The following MTRF1L variants were observed in gnomAD, a reference collection of about 807,000 sequenced individuals.
MTRF1L encodes the protein peptide chain release factor 1-like, mitochondrial.
A neutral mutation model predicts 40.0 loss-of-function variants in MTRF1L; 29 were observed. The observed-to-expected ratio is 0.73, with a 90% CI of 0.54 to 0.99. The LOEUF (loss-of-function observed/expected upper bound fraction) is 0.99, where lower values mean the gene tolerates loss of function less well. Among genes scored for constraint, MTRF1L ranks in the 50% least tolerant of loss-of-function variants. MTRF1L has a pLI of 0.00. For missense variants in MTRF1L, 412 were observed against 464.5 expected (o/e 0.89, Z 1.04); for synonymous variants, 150 against 175.8 (o/e 0.85, Z 1.16).
intron 2 of MTRF1L, chr6:152,998,323 T>A: frequency 3.4e-6 from 1 of 294,804 alleles, no homozygotes; most frequent in South Asian, 1.0e-4. Flanking sequence ...TTATTGATAG[T>A]CATAATCATT....
At chr6:153,002,387 G>A (rs763574326) in intron 1 of MTRF1L, 40 bp downstream of exon 1, 1 of 1,613,828 alleles carries the variant, frequency 6.2e-7, no homozygotes, top group Non-Finnish European at 8.5e-7. Context: ...GAAGAGTCAA[G>A]AATGTGCTCT....
At chr6:152,993,815 C>A (rs548915421) in intron 4 of MTRF1L, among the ~76,000 whole-genome samples, 1 of 152,304 alleles carries the variant, frequency 6.6e-6, no homozygotes, top group African/African-American at 2.4e-5. Flanking sequence ...ATGCTTCACA[C>A]AAAAATTAGA....
rs372203832 is a variant in MTRF1L at position 153,000,967 on chromosome 6, G to A, written c.259+1460C>T. Among the ~76,000 whole-genome samples, 11 of 149,214 alleles carry A rather than the reference G, an allele frequency of 7.4e-5. No homozygotes were observed. The East Asian group carries it at 2.0e-3, about 27-fold the overall frequency. On this transcript the variant is annotated intron_variant, in intron 1 of 6. Coordinates refer to ENST00000367233, the MANE Select transcript of MTRF1L (RefSeq NM_019041.7). ...TGGCTCACTGCAACCTCCACCTCCC[G>A]GGTTCAAGCGATTCTCCCACCTCAG...
intron 2 of MTRF1L, 82 bp downstream of exon 2, chr6:152,998,468 G>A (rs1264398592): frequency 7.9e-6 from 8 of 1,009,684 alleles, no homozygotes; most frequent in African/African-American, 1.7e-5. Context: ...TAACAAGCTA[G>A]TCACTTGTTT....
chr6:152,992,985 G>GA lies in MTRF1L; in HGVS notation c.688-12dup, dbSNP rs1465859538. ...AATCACCAGATTAATCTATACAGAA[G>GA]AAAAGTTGGGATTTTAAAAGATTAC... On this transcript the variant is annotated splice_polypyrimidine_tract_variant and intron_variant, in intron 4 of 6. Transcript: ENST00000367233. The GA allele has an allele frequency of 1.0e-5, 16 of 1,604,780 alleles. No individual in the cohort carries two copies. Among genetic ancestry groups the GA allele is most frequent in the Non-Finnish European group, 1.4e-5 (16 of 1,172,718 alleles).
At chr6:153,000,650 C>T (rs1778881172) in intron 1 of MTRF1L, among the ~76,000 whole-genome samples, 1 of 152,070 alleles carries the variant, frequency 6.6e-6, no homozygotes, top group African/African-American at 2.4e-5. Context: ...CTTATTGTCA[C>T]CCCTCTTTTC....
chr6:153,001,789 T>A (rs1367425256), intron 1 of MTRF1L, among the ~76,000 whole-genome samples: 1 of 152,250 alleles, frequency 6.6e-6, no homozygotes, highest in Admixed American at 6.5e-5. Context: ...GCCACCAGCG[T>A]TTCTGGAGAA....
At chr6:152,995,048 C>T in intron 3 of MTRF1L, 88 bp downstream of exon 3, 1 of 1,194,508 alleles carries the variant, frequency 8.4e-7, no homozygotes, top group Middle Eastern at 2.0e-4. Flanking sequence ...CATAAGCATC[C>T]TCACAGATAA....
rs1319203112 is a variant in MTRF1L at position 153,002,558 on chromosome 6, A to C, written c.128T>G (p.Leu43Trp). ...LEELFTRGGP[L>W]RTFLERQAGS... ...CGCCTGGCGCTCGAGGAAGGTCCGC[A>C]AGGGCCCGCCCCGGGTGAACAGCTC... The change falls in exon 1 of 7, where the codon TTG (leucine) becomes TGG (tryptophan). Residue 43 changes from leucine (L) to tryptophan (W), a missense_variant. Physicochemically the swap from Leu to Trp is moderately conservative, Grantham distance 61. Transcript: ENST00000367233. The C allele has an allele frequency of 6.9e-6, 11 of 1,584,912 alleles. No individual in the cohort carries two copies. The highest frequency in any genetic ancestry group is 2.7e-5 in the African/African-American group (2 of 73,932).
rs769203506 is a variant in MTRF1L, at chr6:152,989,896, TA to T, written c.1141del (p.Ter381LysfsTer7). 1 of 1,609,408 alleles carries T rather than the reference TA, an allele frequency of 6.2e-7. No individual in the cohort carries two copies. The highest frequency in any genetic ancestry group is 8.5e-7 in the Non-Finnish European group (1 of 1,178,742). On this transcript the variant is annotated frameshift_variant and stop_lost, in exon 7 of 7. Coordinates refer to ENST00000367233, the MANE Select transcript of MTRF1L (RefSeq NM_019041.7). LOFTEE classifies it high-confidence loss of function. ...SLVEIISQKV[*>X] ...AAAGTCTATAAATAACAAATCAACT[TA>T]AACTTTTTGGGAAATAATTTCTACT...
chr6:152,996,116 G>A (rs1778706063), intron 2 of MTRF1L, among the ~76,000 whole-genome samples: 1 of 152,164 alleles, frequency 6.6e-6, no homozygotes, highest in South Asian at 2.1e-4. Flanking sequence ...TCTTGGGTAA[G>A]TATTATTAAC....
Position 152,989,643 on chromosome 6 carries a change from T to C in MTRF1L, c.*252A>G. The C allele has an allele frequency of 9.4e-6, 4 of 426,240 alleles. No homozygotes were observed. The highest frequency in any genetic ancestry group is 1.7e-5 in the Non-Finnish European group (4 of 241,146). The allele number at this position is 426,240 out of a possible 1,614,324, so 26.4% of individuals were successfully genotyped here. On this transcript the variant is annotated 3_prime_UTR_variant, in exon 7 of 7. Transcript: ENST00000367233. ...GGAGACTGCTGTGTTGCTAACGTTA[T>C]ATGCATTTTTAACTTATGATGGGTT...
Position 152,989,933 on chromosome 6 carries a change from A to G in MTRF1L, c.1105T>C (p.Tyr369His). Residue 369 changes from tyrosine (Y) to histidine (H), a missense_variant, in exon 7 of 7, where the codon TAT (tyrosine) becomes CAT (histidine). By Grantham distance (83) the Tyr-to-His change is moderately conservative (BLOSUM62 2). Coordinates refer to ENST00000367233, the MANE Select transcript of MTRF1L (RefSeq NM_019041.7). Reference sequence around the variant, plus strand: ...GAAATAATTTCTACTAAAGATTCATAATCGGCGTATTCCTTCAATGACTGT... The same window carrying G: ...GAAATAATTTCTACTAAAGATTCATGATCGGCGTATTCCTTCAATGACTGT... ...LVQSLKEYADYESLVEIISQK... is the reference protein window; with the variant it reads ...LVQSLKEYADHESLVEIISQK... 1.2e-6 allele frequency: 2 copies of G among 1,613,442 alleles called. No individual in the cohort carries two copies. Among genetic ancestry groups the G allele is most frequent in the Non-Finnish European group, 1.7e-6 (2 of 1,179,790 alleles).
At chr6:152,994,999 G>T in intron 3 of MTRF1L, 137 bp downstream of exon 3, 1 of 824,988 alleles carries the variant, frequency 1.2e-6, no homozygotes, top group Non-Finnish European at 1.9e-6. Flanking sequence ...TACTGTATGT[G>T]CATTCAAATT....
intron 5 of MTRF1L, 122 bp downstream of exon 5, chr6:152,992,735 A>T: frequency 1.4e-6 from 1 of 714,544 alleles, no homozygotes; most frequent in Non-Finnish European, 2.3e-6. Flanking sequence ...TCAAATATTT[A>T]ATAACAATCC....
chr6:153,002,361 A>G (rs1014229879), intron 1 of MTRF1L, 66 bp downstream of exon 1: 2 of 1,611,078 alleles, frequency 1.2e-6, no homozygotes, highest in African/African-American at 2.7e-5. Context: ...TAGTGTGGGC[A>G]GTGGAAAAGT....
rs1373373612 is a variant in MTRF1L, at chr6:152,991,233, C to T, written c.894G>A (p.Met298Ile). 5 of 1,586,192 alleles carry T rather than the reference C, an allele frequency of 3.2e-6. No homozygotes were observed. In the East Asian group the frequency reaches 9.0e-5, roughly 29 times the overall value. The change falls in exon 6 of 7, where the codon ATG becomes ATA. Residue 298 changes from methionine to isoleucine, a missense_variant. Physicochemically the swap from Met to Ile is conservative, Grantham distance 10 (BLOSUM62 1). Transcript: ENST00000367233. ...TTTTATTTATTTCTTCTTCTAGATG[C>T]ATGCTGTACAGTTTTGCACGTAACT... The part of the protein sequence containing the change: ...MTKLRAKLYS[M>I]HLEEEINKRQ...
rs774770409 is a variant in MTRF1L at position 153,002,506 on chromosome 6, C to G, written c.180G>C (p.Arg60Ser). 44 of 1,613,000 alleles carry G rather than the reference C, an allele frequency of 2.7e-5. No individual in the cohort carries two copies. Among genetic ancestry groups the G allele is most frequent in the Non-Finnish European group, 3.6e-5 (43 of 1,179,756 alleles). ...QAGSEAHLKV[R>S]RPELLAVIKL... ...TGATCACCGCCAGCAACTCGGGCCT[C>G]CTGACCTTCAAATGGGCTTCAGACC... Residue 60 changes from arginine to serine, a missense_variant, in exon 1 of 7, where the codon AGG (arginine) becomes AGC (serine). Transcript: ENST00000367233.
intron 5 of MTRF1L, 123 bp downstream of exon 5, chr6:152,992,734 T>C: frequency 1.4e-6 from 1 of 713,772 alleles, no homozygotes; most frequent in South Asian, 2.0e-5. Context: ...ATCAAATATT[T>C]AATAACAATC....
Sources: allele counts gnomAD v4.1 joint callset (sites outside exome capture counted in the v4.1 genomes callset), GRCh38; gene constraint gnomAD v4.1.1; transcripts MANE v1.5; gene names NCBI Gene and HGNC (gene_info 2026-07-23, HGNC 2026-07-21).